The following GLYATL2 variants were observed in gnomAD, a reference collection of about 807,000 sequenced individuals.
The protein encoded by GLYATL2 is glycine-N-acyltransferase like 2, also known as glycine N-acyltransferase-like protein 2.
Under a neutral mutation model 21.4 loss-of-function variants are expected in GLYATL2, and 25 were observed. The observed-to-expected ratio is 1.17, with a 90% CI of 0.85 to 1.63. The LOEUF is 1.63. GLYATL2 is among the 40% of genes most tolerant of loss of function. The pLI is 0.00. For synonymous variants in GLYATL2, 114 were observed against 118.2 expected, an observed-to-expected ratio of 0.96 and a Z score of 0.23; for missense variants, 361 against 343.3, an observed-to-expected ratio of 1.05 and a Z score of -0.41.
intron 1 of GLYATL2, among the ~76,000 whole-genome samples, chr11:58,843,977 G>A (rs551668318): frequency 6.6e-6 from 1 of 152,156 alleles, no homozygotes; most frequent in Non-Finnish European, 1.5e-5. Context: ...AGAGAAATTT[G>A]GCAGAGGGCA....
upstream of GLYATL2, chr11:58,907,247 C>G (rs1477618593): frequency 8.8e-6 from 4 of 456,258 alleles, no homozygotes; most frequent in Non-Finnish European, 1.8e-5. Context: ...GCAGGTCACC[C>G]GCCAGGTTTG....
intron 1 of GLYATL2, among the ~76,000 whole-genome samples, chr11:58,870,899 C>A (rs927094115): frequency 2.6e-5 from 4 of 152,116 alleles, no homozygotes; most frequent in Admixed American, 2.0e-4. Context: ...AGTCTCTGCT[C>A]ATAAGATATG....
upstream of GLYATL2, among the ~76,000 whole-genome samples, chr11:58,846,500 C>A (rs1046995827): frequency 6.6e-6 from 1 of 151,844 alleles, no homozygotes; most frequent in Non-Finnish European, 1.5e-5. Flanking sequence ...TAGTGTGGTG[C>A]ACAGTATATC....
At chr11:58,866,837 T>A (rs1854030967) in intron 1 of GLYATL2, among the ~76,000 whole-genome samples, 1 of 149,220 alleles carries the variant, frequency 6.7e-6, no homozygotes, top group Admixed American at 6.9e-5. Flanking sequence ...GACCTTTAGG[T>A]GTCTCCAAAG....
intron 1 of GLYATL2, among the ~76,000 whole-genome samples, chr11:58,853,761 A>G (rs1256738674): frequency 1.3e-5 from 2 of 152,236 alleles, no homozygotes; most frequent in Non-Finnish European, 2.9e-5. Context: ...TACATTGTAA[A>G]ATGGCACAAT....
At chr11:58,883,210 T>C (rs1176005083) in intron 1 of GLYATL2, among the ~76,000 whole-genome samples, 2 of 152,222 alleles carry the variant, frequency 1.3e-5, no homozygotes, top group South Asian at 2.1e-4. Flanking sequence ...TTCCATTAGT[T>C]TGTGTCCTCT....
At chr11:58,848,737 A>C (rs1188319147), upstream of GLYATL2, among the ~76,000 whole-genome samples, 1 of 150,706 alleles carries the variant, frequency 6.6e-6, no homozygotes, top group Admixed American at 6.7e-5. Context: ...CAAATCTAAG[A>C]ATTATTGGCC....
intron 1 of GLYATL2, among the ~76,000 whole-genome samples, chr11:58,879,525 TAAGG>T (rs1854294749): frequency 6.6e-6 from 1 of 152,198 alleles, no homozygotes; most frequent in African/African-American, 2.4e-5. Flanking sequence ...TTATTCCAGT[TAAGG>T]AATGAAATTC....
At chr11:58,836,199 C>A (rs1014672221) in intron 5 of GLYATL2, among the ~76,000 whole-genome samples, 1 of 152,118 alleles carries the variant, frequency 6.6e-6, no homozygotes, top group Non-Finnish European at 1.5e-5. Flanking sequence ...CAAATGGTAG[C>A]ATATTATATA....
intron 1 of GLYATL2, chr11:58,893,071 C>G: frequency 2.5e-6 from 1 of 392,676 alleles, no homozygotes; most frequent in Admixed American, 3.5e-5. Flanking sequence ...ATATGCCAAG[C>G]TGGGTGTCTC....
intron 1 of GLYATL2, among the ~76,000 whole-genome samples, chr11:58,888,606 A>G (rs1256550355): frequency 6.6e-6 from 1 of 151,824 alleles, no homozygotes; most frequent in Admixed American, 6.6e-5. Flanking sequence ...GTCATATAAC[A>G]TGTTTATATA....
upstream of GLYATL2, among the ~76,000 whole-genome samples, chr11:58,849,320 A>T (rs1853698932): frequency 6.6e-6 from 1 of 152,206 alleles, no homozygotes; most frequent in South Asian, 2.1e-4. Context: ...TGGTGTATAA[A>T]CTACTTTTAT....
At position 58,837,358 on chromosome 11, in the gene GLYATL2, G is replaced by T. The variant is rs764747015; in HGVS notation, c.226C>A (p.His76Asn). Residue 76 changes from histidine (H) to asparagine (N), a missense_variant, in exon 4 of 6, where the codon CAC becomes AAC. Physicochemically the swap from His to Asn is moderately conservative, Grantham distance 68. Coordinates refer to ENST00000287275, the MANE Select transcript of GLYATL2 (RefSeq NM_145016.4). ...TTGTCAGGAGCTTTGGTGAAGATGT[G>T]GTAAGTGTTGGTATAATGATCCTGG... ...DDQDHYTNTY[H>N]IFTKAPDKLE... The T allele has an allele frequency of 1.2e-6, 2 of 1,613,264 alleles. No individual in the cohort carries two copies. Among genetic ancestry groups the T allele is most frequent in the Non-Finnish European group, 1.7e-6 (2 of 1,179,266 alleles).
chr11:58,838,220 G>A (rs75458416), intron 3 of GLYATL2, 41 bp downstream of exon 3: 3 of 1,305,078 alleles, frequency 2.3e-6, no homozygotes, highest in Admixed American at 1.7e-5. Flanking sequence ...GAGAACGTCT[G>A]GAGAGTGACT....
chr11:58,845,603 T>C (rs4939231), upstream of GLYATL2, among the ~76,000 whole-genome samples: 39,766 of 151,854 alleles, frequency 0.26, 5,694 homozygotes, highest in East Asian at 0.51. Context: ...CTATCTCTAA[T>C]TAAAAAAAAA....
rs891335751 is a variant in GLYATL2 at position 58,881,446 on chromosome 11, A to AT, written n.60+22709dup. Among the ~76,000 whole-genome samples, 50 of 151,678 alleles carry AT rather than the reference A, an allele frequency of 3.3e-4. 1 individual carries two copies. Among genetic ancestry groups the AT allele is most frequent in the Admixed American group, 1.6e-3 (25 of 15,234 alleles). On this transcript the variant is annotated intron_variant and non_coding_transcript_variant, in intron 1 of 4. Transcript: ENST00000533636. Reference sequence around the variant, plus strand: ...TTACAGATATGTGTCAAAATTATTCATTTTTTTTTAATTTTTGTAATGAAA... The same window carrying AT: ...TTACAGATATGTGTCAAAATTATTCATTTTTTTTTTAATTTTTGTAATGAAA...
At chr11:58,891,724 A>C (rs1053492061) in intron 1 of GLYATL2, among the ~76,000 whole-genome samples, 1 of 152,232 alleles carries the variant, frequency 6.6e-6, no homozygotes, top group African/African-American at 2.4e-5. Context: ...CTAGCAACAC[A>C]GACTCAGTAT....
chr11:58,889,531 T>A (rs1186180912), intron 1 of GLYATL2, among the ~76,000 whole-genome samples: 1 of 152,094 alleles, frequency 6.6e-6, no homozygotes. Context: ...TCTTTACAGG[T>A]TTAGAGCATT....
intron 1 of GLYATL2, among the ~76,000 whole-genome samples, chr11:58,862,433 A>G (rs1269036828): frequency 6.6e-6 from 1 of 152,170 alleles, no homozygotes; most frequent in Non-Finnish European, 1.5e-5. Context: ...TGGGACACAC[A>G]TGATATGTAC....
Sources: gnomAD v4.1 joint callset for allele counts (sites outside exome capture counted in the v4.1 genomes callset) on GRCh38, gnomAD v4.1.1 for gene constraint, MANE v1.5 for transcripts, NCBI Gene and HGNC (gene_info 2026-07-23, HGNC 2026-07-21) for gene names.